GAS7: variants seen among roughly 807,000 people sequenced by gnomAD.
GAS7 encodes growth arrest-specific protein 7.
A neutral mutation model predicts 71.1 loss-of-function variants in GAS7; 28 were observed. The observed-to-expected ratio is 0.39, with a 90% CI of 0.29 to 0.54. GAS7 has a LOEUF of 0.54. Among genes scored for constraint, GAS7 ranks in the 20% least tolerant of loss-of-function variants. GAS7 has a pLI of 0.62. For synonymous variants in GAS7, 258 were observed against 245.8 expected, an observed-to-expected ratio of 1.05 and a Z score of -0.46; for missense variants, 436 against 627.8, an observed-to-expected ratio of 0.69 and a Z score of 3.27.
intron 1 of GAS7, among the ~76,000 whole-genome samples, chr17:10,114,993 C>T (rs1424186203): frequency 6.6e-6 from 1 of 152,192 alleles, no homozygotes; most frequent in African/African-American, 2.4e-5. Flanking sequence ...GACCAACAGG[C>T]TGGGGGTCAT....
Position 10,026,608 on chromosome 17 carries a change from C to T in GAS7, c.184-6711G>A, listed in dbSNP as rs536654125. ...GACTCAGCAGCCAGGAGTGGCCCCA[C>T]TGCCAGCTCTGCACTCCTCAGGGAG... On this transcript the variant is annotated intron_variant, in intron 1 of 13. Coordinates refer to ENST00000432992, the MANE Select transcript of GAS7 (RefSeq NM_201433.2). This position sits in a 1 kb window ranked among gnomAD's most constrained non-coding sequence, Gnocchi z 4.5. Among the ~76,000 whole-genome samples, 2 of 152,234 alleles carry T rather than the reference C, an allele frequency of 1.3e-5. No individual in the cohort carries two copies. Among genetic ancestry groups the T allele is most frequent in the African/African-American group, 4.8e-5 (2 of 41,458 alleles).
chr17:10,017,453 C>T (rs578181122), intron 2 of GAS7, among the ~76,000 whole-genome samples: 11 of 152,024 alleles, frequency 7.2e-5, no homozygotes, highest in Non-Finnish European at 1.3e-4. Context: ...CTCAGCCTCC[C>T]GGGTAGCTGG....
intron 1 of GAS7, among the ~76,000 whole-genome samples, chr17:10,025,897 T>C (rs543612620): frequency 6.6e-6 from 1 of 152,324 alleles, no homozygotes; most frequent in Admixed American, 6.5e-5. Flanking sequence ...TAAGCATGAT[T>C]TGTAAAAAGA....
intron 2 of GAS7, among the ~76,000 whole-genome samples, chr17:10,011,129 C>T (rs1487229643): frequency 2.0e-5 from 3 of 152,232 alleles, no homozygotes; most frequent in Admixed American, 1.3e-4. Context: ...AGGGTGGAAA[C>T]AGATGTTCAC....
At chr17:10,167,133 C>A (rs546751531) in intron 1 of GAS7, among the ~76,000 whole-genome samples, 1 of 142,006 alleles carries the variant, frequency 7.0e-6, no homozygotes, top group African/African-American at 2.7e-5. Context: ...TCTCGGCTCA[C>A]CGCAACCTCC....
Position 10,064,238 on chromosome 17 carries a change from G to A in GAS7, c.184-44341C>T, listed in dbSNP as rs568247217. On this transcript the variant is annotated intron_variant, in intron 1 of 13. Coordinates refer to ENST00000432992, the MANE Select transcript of GAS7 (RefSeq NM_201433.2). Reference sequence around the variant, plus strand: ...GGGACTGTGAGTCTGCTTTTCACACGTGGGAGTCTCGTGCCAGAGGCTGGG... The same window carrying A: ...GGGACTGTGAGTCTGCTTTTCACACATGGGAGTCTCGTGCCAGAGGCTGGG... Among the ~76,000 whole-genome samples, 6 of 152,260 alleles carry A rather than the reference G, an allele frequency of 3.9e-5. No homozygotes were observed. In the East Asian group the frequency reaches 9.7e-4, roughly 25 times the overall value.
intron 1 of GAS7, among the ~76,000 whole-genome samples, chr17:10,046,759 G>GA (rs1346901853): frequency 1.1e-5 from 1 of 91,032 alleles, no homozygotes; most frequent in Non-Finnish European, 2.1e-5. Flanking sequence ...GAAAAGAAAA[G>GA]AAAGAAAGAA....
At chr17:10,043,817 C>A (rs1371935101) in intron 1 of GAS7, among the ~76,000 whole-genome samples, 8 of 152,004 alleles carry the variant, frequency 5.3e-5, no homozygotes, top group Non-Finnish European at 8.8e-5. Context: ...GCCTGTAGAC[C>A]CAGCTACTAG....
chr17:10,022,774 AC>A (rs1211901816), intron 1 of GAS7, among the ~76,000 whole-genome samples: 32 of 152,294 alleles, frequency 2.1e-4, no homozygotes, highest in African/African-American at 7.0e-4. Context: ...CCCTAGCCTC[AC>A]CATCCCTCTG....
chr17:9,947,838 A>C lies in GAS7; in HGVS notation c.526-855T>G, dbSNP rs199643077. ...GGTTAGGTGAAGGTTAAAAACAAAA[A>C]AAAAAAAAAAGCAAGCAGAGTATTA... On this transcript the variant is annotated intron_variant, in intron 5 of 13. Transcript: ENST00000432992. Among the ~76,000 whole-genome samples, 137 of 151,164 alleles carry C rather than the reference A, an allele frequency of 9.1e-4. 1 individual carries two copies. The highest frequency in any genetic ancestry group is 3.7e-3 in the East Asian group (19 of 5,178).
intron 2 of GAS7, among the ~76,000 whole-genome samples, chr17:10,009,740 C>A (rs2071695806): frequency 6.7e-6 from 1 of 148,182 alleles, no homozygotes; most frequent in Non-Finnish European, 1.5e-5. Context: ...GGTGTGGTGA[C>A]ATATGCCCAT....
At position 9,919,824 on chromosome 17, in the gene GAS7, A is replaced by G; in HGVS notation, c.1139-119T>C. 1.3e-6 allele frequency: 1 copy of G among 782,304 alleles called. No homozygotes were observed. The highest frequency in any genetic ancestry group is 2.3e-6 in the Non-Finnish European group (1 of 441,986). The allele number at this position is 782,304 out of a possible 1,614,324, so 48.5% of individuals were successfully genotyped here. ...CCCTGGGGTCATGGTGGCCGCTGGA[A>G]AGCTGGAAAAGGGATGGCAGTAGGA... On this transcript the variant is annotated intron_variant, in intron 11 of 13. Transcript: ENST00000432992. This position sits in a 1 kb window ranked among gnomAD's most constrained non-coding sequence, Gnocchi z 5.0.
At position 10,103,734 on chromosome 17, in the gene GAS7, G is replaced by A. The variant is rs1236904064; in HGVS notation, c.184-83837C>T. Among the ~76,000 whole-genome samples the A allele has an allele frequency of 1.3e-5, 2 of 151,802 alleles. No homozygotes were observed. The highest frequency in any genetic ancestry group is 2.9e-5 in the Non-Finnish European group (2 of 67,972). On this transcript the variant is annotated intron_variant, in intron 1 of 13. Transcript: ENST00000432992. The surrounding 1 kb of genome is among the most constrained non-coding windows in gnomAD (Gnocchi z 5.5). The stretch of plus-strand genomic sequence containing the variant: ...CCGGCTACTAGGGAGGCTGAGGCAG[G>A]AGAACTGCTTGAACCTGGGAGGCAG...
chr17:10,069,159 C>A (rs1362901003), intron 1 of GAS7, among the ~76,000 whole-genome samples: 1 of 152,172 alleles, frequency 6.6e-6, no homozygotes, highest in Non-Finnish European at 1.5e-5. Context: ...ATGCAAGTTC[C>A]CAGACACCAG....
At chr17:10,145,028 G>A (rs1410969056) in intron 1 of GAS7, among the ~76,000 whole-genome samples, 1 of 152,216 alleles carries the variant, frequency 6.6e-6, no homozygotes, top group Non-Finnish European at 1.5e-5. Context: ...CATGACAGAA[G>A]GAGTTAGTAG....
intron 4 of GAS7, among the ~76,000 whole-genome samples, chr17:9,968,585 A>T (rs2069820652): frequency 6.6e-6 from 1 of 152,228 alleles, no homozygotes. Context: ...CTTGTCCATG[A>T]TAAAGCTGAG....
intron 1 of GAS7, among the ~76,000 whole-genome samples, chr17:10,186,721 A>C (rs148237567): frequency 1.4e-4 from 22 of 152,142 alleles, no homozygotes; most frequent in Non-Finnish European, 2.9e-5. Flanking sequence ...CCTTCTTTAT[A>C]ATATGAAAAT....
chr17:10,088,270 T>G (rs7210016), intron 1 of GAS7, among the ~76,000 whole-genome samples: 73,969 of 147,420 alleles, frequency 0.5, 18,782 homozygotes, highest in African/African-American at 0.56. Flanking sequence ...TATGTATATA[T>G]GCATAAGGAG....
intron 1 of GAS7, among the ~76,000 whole-genome samples, chr17:10,065,361 T>C (rs1402244403): frequency 1.3e-5 from 2 of 152,200 alleles, no homozygotes; most frequent in Non-Finnish European, 2.9e-5. Flanking sequence ...TCTCTCACAG[T>C]TCTGGATGCC....
Sources: allele counts gnomAD v4.1 joint callset (sites outside exome capture counted in the v4.1 genomes callset), GRCh38; gene constraint gnomAD v4.1.1; non-coding constraint Gnocchi (gnomAD v3.1); transcripts MANE v1.5; gene names NCBI Gene and HGNC (gene_info 2026-07-23, HGNC 2026-07-21).